Variants in BCL7A observed in about 807,000 individuals in gnomAD.
The protein encoded by BCL7A is B-cell CLL/lymphoma 7 protein family member A.
Under a neutral mutation model 28.4 loss-of-function variants are expected in BCL7A, and 11 were observed. That is an observed-to-expected ratio of 0.39 (90% confidence interval 0.24 to 0.64). The LOEUF is 0.64. BCL7A is among the 30% of genes least tolerant of loss of function. The pLI is 0.50. For missense variants in BCL7A, 222 were observed against 274.8 expected, an observed-to-expected ratio of 0.81 and a Z score of 1.36; for synonymous variants, 123 against 103.3, an observed-to-expected ratio of 1.19 and a Z score of -1.15.
At chr12:122,044,143 A>G in intron 4 of BCL7A, 90 bp downstream of exon 4, 2 of 1,436,572 alleles carry the variant, frequency 1.4e-6, no homozygotes, top group South Asian at 1.4e-5. Context: ...AGGCCCTGTC[A>G]TGTGCCAGCC....
rs569620133 is a variant in BCL7A at position 122,055,086 on chromosome 12, C to T, written c.561+160C>T. 20 of 1,435,718 alleles carry T rather than the reference C, an allele frequency of 1.4e-5. No individual in the cohort carries two copies. In the South Asian group the frequency reaches 2.0e-4, roughly 14 times the overall value. The allele number at this position is 1,435,718 out of a possible 1,614,324, so 88.9% of individuals were successfully genotyped here. ...ATTGGGCTATGTCCATGAACACAGT[C>T]CTGGGCTCTGCCTTGGGCTCTGGGG... On this transcript the variant is annotated intron_variant, in intron 5 of 5. Coordinates refer to ENST00000261822, the MANE Select transcript of BCL7A (RefSeq NM_001024808.3).
At chr12:122,022,610 C>G (rs1593019379) in intron 1 of BCL7A, among the ~76,000 whole-genome samples, 3 of 145,682 alleles carry the variant, frequency 2.1e-5, no homozygotes, top group Admixed American at 6.8e-5. Context: ...AGAGCGCGAG[C>G]TCCATTGTGC....
Position 122,060,738 on chromosome 12 carries a change from G to C in BCL7A, c.*1575G>C, listed in dbSNP as rs1237863173. 4.3e-6 allele frequency: 1 copy of C among 232,344 alleles called. No homozygotes were observed. Among genetic ancestry groups the C allele is most frequent in the Non-Finnish European group, 8.5e-6 (1 of 117,474 alleles). The allele number at this position is 232,344 out of a possible 1,614,324, so 14.4% of individuals were successfully genotyped here. ...TGTGGCTCTTTCTCCTGACCATCATGGGAAGTGTCTGCTGGATTCCATTTT... is the reference window on the plus strand; with the variant it reads ...TGTGGCTCTTTCTCCTGACCATCATCGGAAGTGTCTGCTGGATTCCATTTT... On this transcript the variant is annotated 3_prime_UTR_variant, in exon 6 of 6. Transcript: ENST00000261822.
At chr12:122,049,157 G>A (rs764933808) in intron 4 of BCL7A, among the ~76,000 whole-genome samples, 3 of 148,602 alleles carry the variant, frequency 2.0e-5, no homozygotes, top group South Asian at 2.1e-4. Context: ...AGCCTGGGAG[G>A]TGGAGGTTGC....
chr12:122,022,528 C>T (rs1883488469), intron 1 of BCL7A, among the ~76,000 whole-genome samples: 1 of 143,404 alleles, frequency 7.0e-6, no homozygotes, highest in Non-Finnish European at 1.5e-5. Context: ...CCCCAGAAGC[C>T]ATTTCGTTTT....
chr12:122,056,062 A>T (rs1951876445), intron 5 of BCL7A, among the ~76,000 whole-genome samples: 1 of 152,212 alleles, frequency 6.6e-6, no homozygotes, highest in African/African-American at 2.4e-5. Flanking sequence ...AGCCATCTAG[A>T]AGAGCATGGT....
intron 2 of BCL7A, among the ~76,000 whole-genome samples, chr12:122,032,808 C>T (rs1001391545): frequency 1.3e-5 from 2 of 152,172 alleles, no homozygotes; most frequent in African/African-American, 4.8e-5. Flanking sequence ...ATGCAAATTC[C>T]CTCTTCATCT....
chr12:122,059,193 C>A lies in BCL7A; in HGVS notation c.*30C>A. 1 of 1,573,004 alleles carries A rather than the reference C, an allele frequency of 6.4e-7. No homozygotes were observed. Among genetic ancestry groups the A allele is most frequent in the Non-Finnish European group, 8.8e-7 (1 of 1,142,702 alleles). On this transcript the variant is annotated 3_prime_UTR_variant, in exon 6 of 6. Transcript: ENST00000261822. This position sits in a 1 kb window ranked among gnomAD's most constrained non-coding sequence, Gnocchi z 4.0. ...TGCTTTAAAGCCTCCGATCCATGTT[C>A]CATGGAAGGTACATCAGCAATTAAT...
intron 1 of BCL7A, among the ~76,000 whole-genome samples, 165 bp downstream of exon 1, chr12:122,022,348 C>T (rs2135833053): frequency 3.5e-5 from 5 of 143,878 alleles, no homozygotes; most frequent in South Asian, 2.1e-4. Context: ...GGCGCGCGAG[C>T]CGGGTCACCT....
At chr12:122,025,189 A>G (rs1883591509) in intron 1 of BCL7A, among the ~76,000 whole-genome samples, 1 of 152,232 alleles carries the variant, frequency 6.6e-6, no homozygotes, top group African/African-American at 2.4e-5. Flanking sequence ...TAGGAGACGA[A>G]AGCTTGGGCT....
At chr12:122,025,043 G>A (rs561942008) in intron 1 of BCL7A, among the ~76,000 whole-genome samples, 1 of 151,168 alleles carries the variant, frequency 6.6e-6, no homozygotes, top group African/African-American at 2.4e-5. Context: ...TGGTGTTTCA[G>A]CAAGGCAGGC....
intron 3 of BCL7A, among the ~76,000 whole-genome samples, chr12:122,042,361 TACAC>T (rs1386330162): frequency 3.3e-5 from 5 of 152,014 alleles, no homozygotes; most frequent in African/African-American, 1.2e-4. Flanking sequence ...ATATAAAAAA[TACAC>T]AGCTAGTGGC....
At chr12:122,022,450 A>G (rs2135833173) in intron 1 of BCL7A, among the ~76,000 whole-genome samples, 1 of 142,368 alleles carries the variant, frequency 7.0e-6, no homozygotes, top group Middle Eastern at 3.6e-3. Flanking sequence ...CGCCGGGGCC[A>G]GGCGGTTGGA....
chr12:122,031,825 A>G (rs1418893461), intron 2 of BCL7A, among the ~76,000 whole-genome samples: 1 of 152,144 alleles, frequency 6.6e-6, no homozygotes, highest in East Asian at 1.9e-4. Context: ...ATGGCTGGCA[A>G]CTGCCCCGAG....
At chr12:122,025,986 A>T (rs1238876599) in intron 1 of BCL7A, among the ~76,000 whole-genome samples, 5 of 148,690 alleles carry the variant, frequency 3.4e-5, no homozygotes, top group South Asian at 2.1e-4. Context: ...GAAAAGAGAA[A>T]AGGCCGGGCA....
chr12:122,033,947 G>A (rs1053986466), intron 2 of BCL7A, among the ~76,000 whole-genome samples: 5 of 151,802 alleles, frequency 3.3e-5, no homozygotes, highest in African/African-American at 9.7e-5. Context: ...TGTATCTTCC[G>A]ATGTTACTCT....
chr12:122,054,981 T>C, intron 5 of BCL7A, 55 bp downstream of exon 5: 1 of 1,613,366 alleles, frequency 6.2e-7, no homozygotes, highest in Non-Finnish European at 8.5e-7. Context: ...GCCCATTGGG[T>C]TGTCGGGGGT....
chr12:122,029,038 A>G lies in BCL7A; in HGVS notation c.93-1662A>G, dbSNP rs367841132. On this transcript the variant is annotated intron_variant, in intron 1 of 5. Coordinates refer to ENST00000261822, the MANE Select transcript of BCL7A (RefSeq NM_001024808.3). The surrounding 1 kb of genome is among the most constrained non-coding windows in gnomAD (Gnocchi z 4.3). ...CGTTTCTGGGTGAAAAGGTGCAAGG[A>G]GGAGGGAGCAGAGAGGCTGGTCTCA... 5.9e-4 allele frequency among the ~76,000 whole-genome samples: 90 copies of G among 152,248 alleles called. No individual in the cohort carries two copies. The highest frequency in any genetic ancestry group is 2.0e-3 in the African/African-American group (85 of 41,550).
At chr12:122,048,837 T>TGGCAAA (rs1250854508) in intron 4 of BCL7A, among the ~76,000 whole-genome samples, 2 of 151,682 alleles carry the variant, frequency 1.3e-5, no homozygotes, top group Non-Finnish European at 2.9e-5. Flanking sequence ...CTGCCCAGCA[T>TGGCAAA]GGCAAAACAC....
Sources: allele counts gnomAD v4.1 joint callset (sites outside exome capture counted in the v4.1 genomes callset), GRCh38; gene constraint gnomAD v4.1.1; non-coding constraint Gnocchi (gnomAD v3.1); transcripts MANE v1.5; gene names NCBI Gene and HGNC (gene_info 2026-07-23, HGNC 2026-07-21).